The following BBS9 variants were observed in gnomAD, a reference collection of about 807,000 sequenced individuals.
BBS9 encodes protein PTHB1.
Under a neutral mutation model 117.7 loss-of-function variants are expected in BBS9, and 89 were observed. The observed-to-expected ratio is 0.76, with a 90% CI of 0.64 to 0.90. The LOEUF (loss-of-function observed/expected upper bound fraction) is 0.90. Ranked by LOEUF, BBS9 falls within the 40% of genes least tolerant of loss-of-function variation. BBS9 has a pLI of 0.00. For synonymous variants in BBS9, 379 were observed against 370.9 expected (o/e 1.02, Z -0.25); for missense variants, 982 against 1,042.2 (o/e 0.94, Z 0.80).
At chr7:33,275,008 A>T (rs1800493693) in intron 9 of BBS9, among the ~76,000 whole-genome samples, 1 of 151,432 alleles carries the variant, frequency 6.6e-6, no homozygotes, top group South Asian at 2.1e-4. Context: ...AAAAAAAAAA[A>T]AAAAAAAAGC....
intron 19 of BBS9, among the ~76,000 whole-genome samples, chr7:33,392,526 A>G (rs1827237441): frequency 6.6e-6 from 1 of 152,140 alleles, no homozygotes; most frequent in East Asian, 1.9e-4. Flanking sequence ...TCATGTTTCT[A>G]GTGTTCCATT....
At position 33,410,318 on chromosome 7, in the gene BBS9, A is replaced by G. The variant is rs528792430; in HGVS notation, c.2115+22174A>G. The stretch of plus-strand genomic sequence containing the variant: ...TGCACCCATGAGTCCCTTGCTTTAT[A>G]TCTTACTTTTCTTTAGGAAGCTTAG... On this transcript the variant is annotated intron_variant, in intron 19 of 22. Transcript: ENST00000242067. 1.7e-4 allele frequency among the ~76,000 whole-genome samples: 26 copies of G among 152,198 alleles called. 1 individual carries two copies. The South Asian group carries it at 5.4e-3, about 32-fold the overall frequency.
intron 19 of BBS9, among the ~76,000 whole-genome samples, chr7:33,409,004 C>T (rs1363348869): frequency 6.6e-6 from 1 of 152,128 alleles, no homozygotes; most frequent in Non-Finnish European, 1.5e-5. Flanking sequence ...AATTATATGT[C>T]TTCTTTTGAG....
At chr7:33,162,613 CA>C (rs140242311) in intron 4 of BBS9, among the ~76,000 whole-genome samples, 2,201 of 152,168 alleles carry the variant, frequency 0.014, 66 homozygotes, top group African/African-American at 0.05. Context: ...GGAGTTCACT[CA>C]TGATTTGGCT....
chr7:33,192,057 A>G (rs1784206946), intron 5 of BBS9, among the ~76,000 whole-genome samples: 1 of 152,172 alleles, frequency 6.6e-6, no homozygotes, highest in Admixed American at 6.5e-5. Context: ...GAGCTAACCC[A>G]GAGTAATTTT....
At chr7:33,511,357 T>C (rs1262247686) in intron 20 of BBS9, among the ~76,000 whole-genome samples, 1 of 152,190 alleles carries the variant, frequency 6.6e-6, no homozygotes, top group African/African-American at 2.4e-5. Context: ...CAGATGTCTG[T>C]TCTAATATTC....
At chr7:33,278,811 A>G (rs901405706) in intron 9 of BBS9, among the ~76,000 whole-genome samples, 4 of 152,194 alleles carry the variant, frequency 2.6e-5, no homozygotes, top group African/African-American at 4.8e-5. Context: ...AACCATGGGC[A>G]GATATTTGCA....
chr7:33,224,228 G>C (rs1790815501), intron 5 of BBS9, among the ~76,000 whole-genome samples: 1 of 152,136 alleles, frequency 6.6e-6, no homozygotes, highest in Non-Finnish European at 1.5e-5. Flanking sequence ...ATGTTGTCAG[G>C]TCAGTGCAAT....
At chr7:33,576,031 A>G (rs962543428) in intron 21 of BBS9, among the ~76,000 whole-genome samples, 5 of 152,144 alleles carry the variant, frequency 3.3e-5, no homozygotes, top group African/African-American at 9.7e-5. Flanking sequence ...CTCCTATTCA[A>G]TGTAGTGTTG....
At chr7:33,550,796 T>C (rs567187547) in intron 21 of BBS9, among the ~76,000 whole-genome samples, 7 of 152,330 alleles carry the variant, frequency 4.6e-5, no homozygotes, top group African/African-American at 1.4e-4. Context: ...TCCTGGTGGT[T>C]CTCAGAACAT....
At chr7:33,325,396 T>G (rs1812629533) in intron 9 of BBS9, among the ~76,000 whole-genome samples, 1 of 152,226 alleles carries the variant, frequency 6.6e-6, no homozygotes, top group South Asian at 2.1e-4. Context: ...TGTGTTATCT[T>G]GAATTTCTTT....
intron 5 of BBS9, among the ~76,000 whole-genome samples, chr7:33,209,484 T>C (rs924812754): frequency 6.6e-6 from 1 of 152,184 alleles, no homozygotes; most frequent in Non-Finnish European, 1.5e-5. Flanking sequence ...CTGGGTCATA[T>C]GGTAGCTCTA....
intron 5 of BBS9, among the ~76,000 whole-genome samples, chr7:33,208,489 C>T (rs1192399564): frequency 6.6e-6 from 1 of 152,204 alleles, no homozygotes; most frequent in Admixed American, 6.5e-5. Flanking sequence ...TATTGTTTCA[C>T]CTTTTCCTTC....
At chr7:33,324,830 A>G (rs879439950) in intron 9 of BBS9, among the ~76,000 whole-genome samples, 1 of 152,142 alleles carries the variant, frequency 6.6e-6, no homozygotes, top group Admixed American at 6.5e-5. Context: ...GTTCCCATTG[A>G]GAAGTTTTCT....
intron 19 of BBS9, among the ~76,000 whole-genome samples, chr7:33,470,746 G>A (rs4582453): frequency 0.78 from 118,277 of 152,052 alleles, 46,837 homozygotes; most frequent in African/African-American, 0.93. Flanking sequence ...TCACACACAA[G>A]TTCACAAAGC....
At chr7:33,218,184 AT>A (rs1204928765) in intron 5 of BBS9, among the ~76,000 whole-genome samples, 29 of 152,376 alleles carry the variant, frequency 1.9e-4, no homozygotes, top group African/African-American at 6.2e-4. Flanking sequence ...ACAACTGTAT[AT>A]AGATTACATA....
At chr7:33,536,491 A>G (rs957964016) in intron 21 of BBS9, among the ~76,000 whole-genome samples, 2 of 152,178 alleles carry the variant, frequency 1.3e-5, no homozygotes, top group African/African-American at 4.8e-5. Flanking sequence ...TTGCTGTCTT[A>G]CAAATAGAAA....
At chr7:33,498,200 A>G (rs1352099477) in intron 19 of BBS9, among the ~76,000 whole-genome samples, 1 of 152,162 alleles carries the variant, frequency 6.6e-6, no homozygotes, top group Non-Finnish European at 1.5e-5. Context: ...CCTTAAGGTA[A>G]TTAAGCCCTA....
intron 19 of BBS9, among the ~76,000 whole-genome samples, chr7:33,494,914 AC>A (rs1844507800): frequency 6.6e-6 from 1 of 151,986 alleles, no homozygotes; most frequent in African/African-American, 2.4e-5. Flanking sequence ...TCCATGTGAA[AC>A]CAGGCAGCTC....
Sources: gnomAD v4.1 joint callset for allele counts (sites outside exome capture counted in the v4.1 genomes callset) on GRCh38, gnomAD v4.1.1 for gene constraint, MANE v1.5 for transcripts, NCBI Gene and HGNC (gene_info 2026-07-23, HGNC 2026-07-21) for gene names.